PREB: variants seen among roughly 807,000 people sequenced by gnomAD.
The protein encoded by PREB is guanine nucleotide-exchange factor SEC12.
Under a neutral mutation model 46.7 loss-of-function variants are expected in PREB, and 29 were observed. The ratio of observed to expected loss-of-function variants is 0.62; its 90% CI spans 0.46 to 0.85. The LOEUF is 0.85. Among genes scored for constraint, PREB ranks in the 40% least tolerant of loss-of-function variants. The probability of loss-of-function intolerance (pLI) is 0.00; values close to 1 mark genes in which losing one functional copy is unlikely to be tolerated. For synonymous variants in PREB, 224 were observed against 220.1 expected, an observed-to-expected ratio of 1.02 and a Z score of -0.16; for missense variants, 494 against 528.4, an observed-to-expected ratio of 0.93 and a Z score of 0.64.
At position 27,134,370 on chromosome 2, in the gene PREB, C is replaced by A; in HGVS notation, c.52G>T (p.Ala18Ser). Reference protein sequence around the residue: ...ELYRAPFPLYALQVDPSTGLL... With the variant: ...ELYRAPFPLYSLQVDPSTGLL... Reference sequence around the variant, plus strand: ...CCAGTGCTGGGGTCGACCTGAAGCGCGTACAACGGGAACGGAGCCCGGTAC... The same window carrying A: ...CCAGTGCTGGGGTCGACCTGAAGCGAGTACAACGGGAACGGAGCCCGGTAC... The change falls in exon 1 of 9, where the codon GCG becomes TCG. Residue 18 changes from alanine to serine, a missense_variant. Ala to Ser is a moderately conservative substitution (Grantham distance 99). Coordinates refer to ENST00000260643, the MANE Select transcript of PREB (RefSeq NM_013388.6). 1 of 1,610,848 alleles carries A rather than the reference C, an allele frequency of 6.2e-7. No homozygotes were observed. Among genetic ancestry groups the A allele is most frequent in the Non-Finnish European group, 8.5e-7 (1 of 1,179,334 alleles).
intron 1 of PREB, 45 bp from the exon 2 acceptor site, chr2:27,133,766 A>G: frequency 1.3e-6 from 2 of 1,585,032 alleles, no homozygotes; most frequent in Non-Finnish European, 1.7e-6. Context: ...GGGTGCCCAG[A>G]GAGCACGTTT....
Position 27,134,162 on chromosome 2 carries a change from G to A in PREB, c.135+125C>T. The A allele has an allele frequency of 3.2e-6, 4 of 1,268,206 alleles. No homozygotes were observed. In the South Asian group the frequency reaches 4.7e-5, roughly 15 times the overall value. The allele number at this position is 1,268,206 out of a possible 1,614,324, so 78.6% of individuals were successfully genotyped here. On this transcript the variant is annotated intron_variant, in intron 1 of 8. Transcript: ENST00000260643. ...TTCGCCCCTGGGCGTCAGGCAAGCGGGTCTTCCCAACAGAAGTGGGCAGGG... is the reference window on the plus strand; with the variant it reads ...TTCGCCCCTGGGCGTCAGGCAAGCGAGTCTTCCCAACAGAAGTGGGCAGGG...
rs535739428 is a variant in PREB, at chr2:27,134,118, G to A, written c.135+169C>T. On this transcript the variant is annotated intron_variant, in intron 1 of 8. Coordinates refer to ENST00000260643, the MANE Select transcript of PREB (RefSeq NM_013388.6). ...TACCTTAAAAGCCTCTCCTCCGCCC[G>A]CTGAGTTCTCGACTGAAATTCGCCC... The A allele has an allele frequency of 5.0e-5, 46 of 920,396 alleles. No homozygotes were observed. The African/African-American group carries it at 5.8e-4, about 12-fold the overall frequency. 57.0% of individuals were successfully genotyped at this position (920,396 alleles called of 1,614,324 possible).
Position 27,134,634 on chromosome 2 carries a change from A to G in PREB, c.-213T>C. ...GTCCAAGTCGGTCTCGCAGACGCGC[A>G]CTGCGCATGCGCACCTGTCTCGCGG... On this transcript the variant is annotated 5_prime_UTR_variant, in exon 1 of 9. Coordinates refer to ENST00000260643, the MANE Select transcript of PREB (RefSeq NM_013388.6). 4 of 1,261,108 alleles carry G rather than the reference A, an allele frequency of 3.2e-6. No individual in the cohort carries two copies. 78.1% of individuals were successfully genotyped at this position (1,261,108 alleles called of 1,614,324 possible). A position where few individuals can be genotyped will look rare whatever the true frequency, so the allele number is the denominator to read the frequency against.
At position 27,132,831 on chromosome 2, in the gene PREB, C is replaced by T; in HGVS notation, c.627+12G>A. The stretch of plus-strand genomic sequence containing the variant: ...TCCTTTCTCCATCCTCCTCCCACCC[C>T]CAGCCCCTCACCTTGCCATCAGGCC... On this transcript the variant is annotated intron_variant, in intron 4 of 8. Transcript: ENST00000260643. The surrounding 1 kb of genome is among the most constrained non-coding windows in gnomAD (Gnocchi z 4.0). 1.2e-6 allele frequency: 2 copies of T among 1,614,032 alleles called. No homozygotes were observed. The highest frequency in any genetic ancestry group is 2.2e-5 in the South Asian group (2 of 91,070).
rs377488907 is a variant in PREB, at chr2:27,132,591, A to G, written c.752+12T>C. The G allele has an allele frequency of 6.2e-7, 1 of 1,613,554 alleles. No homozygotes were observed. Among genetic ancestry groups the G allele is most frequent in the Non-Finnish European group, 8.5e-7 (1 of 1,179,918 alleles). On this transcript the variant is annotated intron_variant, in intron 5 of 8. Transcript: ENST00000260643. The surrounding 1 kb of genome is among the most constrained non-coding windows in gnomAD (Gnocchi z 4.0). ...CTATGCCTCTTTCAGCCACCACCCA[A>G]AGTCTTCACACCTGCAGGCCTGGTA...
Position 27,132,647 on chromosome 2 carries a change from A to G in PREB, c.708T>C (p.Asn236=). 6.2e-7 allele frequency: 1 copy of G among 1,613,862 alleles called. No individual in the cohort carries two copies. Residue 236 remains asparagine (N), a synonymous_variant, in exon 5 of 9, where the codon AAT becomes AAC. Coordinates refer to ENST00000260643, the MANE Select transcript of PREB (RefSeq NM_013388.6). This position sits in a 1 kb window ranked among gnomAD's most constrained non-coding sequence, Gnocchi z 4.0. ...AAGGTGTGCTGGAAAAGGTGGGTCC[A>G]TTTTCTTGCCAGTGCAGCTGTGTCA... The part of the protein sequence containing the change: ...QLVTQLHWQE[N]GPTFSSTPYR...
intron 2 of PREB, 52 bp from the exon 3 acceptor site, chr2:27,133,389 G>A: frequency 6.2e-7 from 1 of 1,606,274 alleles, no homozygotes; most frequent in Non-Finnish European, 8.5e-7. Flanking sequence ...AAGGAGTACT[G>A]GCCCCTCTCT....
chr2:27,132,930 C>A lies in PREB; in HGVS notation c.547-7G>T. The stretch of plus-strand genomic sequence containing the variant: ...CCTTCTCCAGGCTGGGCACCTGTAG[C>A]CAAACAACCACCATGGTTAACTCAG... On this transcript the variant is annotated splice_region_variant and splice_polypyrimidine_tract_variant and intron_variant, in intron 3 of 8. Coordinates refer to ENST00000260643, the MANE Select transcript of PREB (RefSeq NM_013388.6). The surrounding 1 kb of genome is among the most constrained non-coding windows in gnomAD (Gnocchi z 4.0). 1 of 1,614,004 alleles carries A rather than the reference C, an allele frequency of 6.2e-7. No homozygotes were observed.
chr2:27,131,497 C>T lies in PREB; in HGVS notation c.1171G>A (p.Val391Met), dbSNP rs774576478. Residue 391 changes from valine (V) to methionine (M), a missense_variant, in exon 9 of 9, where the codon GTG (valine) becomes ATG (methionine). Physicochemically the swap from Val to Met is conservative, Grantham distance 21. Coordinates refer to ENST00000260643, the MANE Select transcript of PREB (RefSeq NM_013388.6). ...ACACACAGCAGGAGCAGGAGCCACA[C>T]AGGAACACTCCCTGCAGGAGGGAAA... ...HLLPSRRSVPVWLLLLLCVGL... is the reference protein window; with the variant it reads ...HLLPSRRSVPMWLLLLLCVGL... The T allele has an allele frequency of 1.3e-6, 2 of 1,588,456 alleles. No individual in the cohort carries two copies. Among genetic ancestry groups the T allele is most frequent in the Middle Eastern group, 1.7e-4 (1 of 6,032 alleles).
intron 2 of PREB, 50 bp downstream of exon 2, chr2:27,133,482 C>A (rs1338933044): frequency 6.3e-7 from 1 of 1,598,952 alleles, no homozygotes; most frequent in South Asian, 1.1e-5. Context: ...CCAAGAGTGA[C>A]CTTACTCGTT....
Position 27,131,252 on chromosome 2 carries a change from C to T in PREB, c.*162G>A, listed in dbSNP as rs569365575. ...CCTGGGACCTGGAGTCACACAGGGCCATAGCCAAGCCTTTTCACTAGAAGG... is the reference window on the plus strand; with the variant it reads ...CCTGGGACCTGGAGTCACACAGGGCTATAGCCAAGCCTTTTCACTAGAAGG... On this transcript the variant is annotated 3_prime_UTR_variant, in exon 9 of 9. Transcript: ENST00000260643. 131 of 675,522 alleles carry T rather than the reference C, an allele frequency of 1.9e-4. No homozygotes were observed. The African/African-American group carries it at 2.1e-3, about 11-fold the overall frequency. The allele number at this position is 675,522 out of a possible 1,614,324, so 41.8% of individuals were successfully genotyped here.
In PREB at chr2:27,133,274, G is replaced by C. The variant is rs367810758; in HGVS notation, c.389C>G (p.Ala130Gly). 3.1e-6 allele frequency: 5 copies of C among 1,614,022 alleles called. No homozygotes were observed. The Admixed American group carries it at 8.3e-5, about 27-fold the overall frequency. Reference sequence around the variant, plus strand: ...TTCTAGCCCCTCGTGCTGGGTTTCCGCTCCACATTTCTTCTCTGCTGGGGC... The same window carrying C: ...TTCTAGCCCCTCGTGCTGGGTTTCCCCTCCACATTTCTTCTCTGCTGGGGC... ...GAAPAEKKCG[A>G]ETQHEGLELR... is the part of the protein sequence containing the mutation. Residue 130 changes from alanine to glycine, a missense_variant, in exon 3 of 9, where the codon GCG becomes GGG. Physicochemically the swap from Ala to Gly is moderately conservative, Grantham distance 60. Transcript: ENST00000260643.
intron 1 of PREB, 66 bp downstream of exon 1, chr2:27,134,221 C>A (rs1174900616): frequency 6.8e-7 from 1 of 1,468,330 alleles, no homozygotes; most frequent in East Asian, 2.6e-5. Flanking sequence ...CCCGCGACCC[C>A]CCGGCCACCC....
At position 27,132,227 on chromosome 2, in the gene PREB, C is replaced by T; in HGVS notation, c.926+3G>A. 1.9e-6 allele frequency: 3 copies of T among 1,614,198 alleles called. No individual in the cohort carries two copies. Among genetic ancestry groups the T allele is most frequent in the Admixed American group, 1.7e-5 (1 of 60,032 alleles). ...ACCTAGCCAAGGCAGCAATGTCTCA[C>T]ACCTGACATCGAGGCAGGAGACGAC... On this transcript the variant is annotated splice_donor_region_variant and intron_variant, in intron 6 of 8. Transcript: ENST00000260643. This position sits in a 1 kb window ranked among gnomAD's most constrained non-coding sequence, Gnocchi z 4.0.
At position 27,132,014 on chromosome 2, in the gene PREB, A is replaced by G. The variant is rs1672297961; in HGVS notation, c.995T>C (p.Leu332Pro). 6.2e-7 allele frequency: 1 copy of G among 1,613,802 alleles called. No homozygotes were observed. The highest frequency in any genetic ancestry group is 1.7e-5 in the Admixed American group (1 of 59,998). The change falls in exon 7 of 9, where the codon CTC (leucine) becomes CCC (proline). Residue 332 changes from leucine (L) to proline (P), a missense_variant. Coordinates refer to ENST00000260643, the MANE Select transcript of PREB (RefSeq NM_013388.6). The surrounding 1 kb of genome is among the most constrained non-coding windows in gnomAD (Gnocchi z 4.0). Reference sequence around the variant, plus strand: ...ATGCCAACCTCCACCCATTACCTGGAGAGAGAAAGCTATGTAGATGGCAAC... The same window carrying G: ...ATGCCAACCTCCACCCATTACCTGGGGAGAGAAAGCTATGTAGATGGCAAC... ...GSVAIYIAFSLQCLYYVREAH... is the reference protein window; with the variant it reads ...GSVAIYIAFSPQCLYYVREAH...
intron 2 of PREB, 30 bp downstream of exon 2, chr2:27,133,502 C>T (rs2148420338): frequency 6.2e-7 from 1 of 1,607,474 alleles, no homozygotes; most frequent in East Asian, 2.2e-5. Flanking sequence ...TCAACCCTTT[C>T]CCCAAGGGGG....
rs547692013 is a variant in PREB at position 27,133,208 on chromosome 2, C to G, written c.455G>C (p.Ser152Thr). 6.8e-5 allele frequency: 109 copies of G among 1,614,198 alleles called. 1 individual carries two copies. In the South Asian group the frequency reaches 1.1e-3, roughly 16 times the overall value. Reference protein sequence around the residue: ...ENLQAVQTDFSSDPLQKVVCF... With the variant: ...ENLQAVQTDFTSDPLQKVVCF... ...CACAACTTTCTGCAGTGGATCGGAG[C>G]TAAAGTCTGTCTGCACCGCCTGCAA... is the stretch of plus-strand genomic sequence containing the variant. The change falls in exon 3 of 9, where the codon AGC (serine) becomes ACC (threonine). Residue 152 changes from serine (S) to threonine (T), a missense_variant. Physicochemically the swap from Ser to Thr is moderately conservative, Grantham distance 58. Transcript: ENST00000260643.
chr2:27,134,351 C>A lies in PREB; in HGVS notation c.71G>T (p.Ser24Ile), dbSNP rs896687055. The change falls in exon 1 of 9, where the codon AGC (serine) becomes ATC (isoleucine). Residue 24 changes from serine to isoleucine, a missense_variant. Transcript: ENST00000260643. ...FPLYALQVDP[S>I]TGLLIAAGGG... ...GCCCGCAGCGATGAGCAGCCCAGTGCTGGGGTCGACCTGAAGCGCGTACAA... is the reference window on the plus strand; with the variant it reads ...GCCCGCAGCGATGAGCAGCCCAGTGATGGGGTCGACCTGAAGCGCGTACAA... 6.2e-7 allele frequency: 1 copy of A among 1,611,538 alleles called. No homozygotes were observed. The highest frequency in any genetic ancestry group is 8.5e-7 in the Non-Finnish European group (1 of 1,179,500).
Sources: gnomAD v4.1 joint callset for allele counts on GRCh38, gnomAD v4.1.1 for gene constraint, Gnocchi (gnomAD v3.1) non-coding constraint, MANE v1.5 for transcripts, NCBI Gene and HGNC (gene_info 2026-07-23, HGNC 2026-07-21) for gene names.